Variants in LARGE1 observed in about 807,000 individuals in gnomAD.
LARGE1 encodes LARGE xylosyl- and glucuronyltransferase 1, also known as xylosyl- and glucuronyltransferase LARGE1.
LARGE1 carries 43 observed loss-of-function variants against 87.6 expected under a neutral mutation model. That is an observed-to-expected ratio of 0.49 (90% CI 0.38 to 0.63). The LOEUF is 0.63. Ranked by LOEUF, LARGE1 falls within the 30% of genes least tolerant of loss-of-function variation. The pLI is 0.00. For missense variants in LARGE1, 802 were observed against 1,000.2 expected (o/e 0.80, Z 2.67); for synonymous variants, 434 against 394.6 (o/e 1.10, Z -1.18).
At chr22:33,752,202 T>C (rs2084343895) in intron 2 of LARGE1, among the ~76,000 whole-genome samples, 2 of 152,200 alleles carry the variant, frequency 1.3e-5, no homozygotes, top group Non-Finnish European at 1.5e-5. Context: ...TGCATTTCTC[T>C]TGGGTGTATT....
Position 33,283,335 on chromosome 22 carries a change from G to A in LARGE1, c.1744C>T (p.Gln582Ter), listed in dbSNP as rs778588479. ...LYEYLRKSVI[Q>*]LDLANTKKAM... The stretch of plus-strand genomic sequence containing the variant: ...TTCTTGGTGTTGGCAAGATCGAGCT[G>A]GATGACAGACTTCCTGAAAAGAGGG... Residue 582 changes from glutamine to a stop codon, truncating the protein, a stop_gained, in exon 13 of 15, where the codon CAG becomes TAG. Transcript: ENST00000397394. LOFTEE classifies it high-confidence loss of function. 1.2e-6 allele frequency: 2 copies of A among 1,614,160 alleles called. No homozygotes were observed. Among genetic ancestry groups the A allele is most frequent in the Non-Finnish European group, 1.7e-6 (2 of 1,180,030 alleles).
intron 6 of LARGE1, among the ~76,000 whole-genome samples, chr22:33,563,600 G>C (rs538202884): frequency 6.6e-6 from 1 of 152,238 alleles, no homozygotes; most frequent in East Asian, 1.9e-4. Context: ...GCCAAGACAC[G>C]GGCACTCTGA....
chr22:33,309,880 G>A (rs191458789), intron 11 of LARGE1, among the ~76,000 whole-genome samples: 57 of 152,296 alleles, frequency 3.7e-4, no homozygotes, highest in African/African-American at 1.3e-3. Context: ...GATGGGCCTT[G>A]AAGACCACAG....
chr22:33,660,590 G>A lies in LARGE1; in HGVS notation c.107-9922C>T, dbSNP rs1280255087. ...CCAGCGTTAGTGACGGTCTCCAATG[G>A]TTGAGTCTGAGAAAGCATCCTTTCT... is the stretch of plus-strand genomic sequence containing the variant. On this transcript the variant is annotated intron_variant, in intron 2 of 14. Transcript: ENST00000397394. Among the ~76,000 whole-genome samples, 3 of 152,302 alleles carry A rather than the reference G, an allele frequency of 2.0e-5. No homozygotes were observed. The East Asian group carries it at 5.8e-4, about 29-fold the overall frequency.
the LARGE1 span, among the ~76,000 whole-genome samples, chr22:33,135,917 T>C: frequency 6.6e-6 from 1 of 152,204 alleles, no homozygotes; most frequent in Admixed American, 6.5e-5. Context: ...ATAGTTTATA[T>C]TCATTTAGAA....
chr22:33,806,337 C>G (rs1161199172), intron 1 of LARGE1, among the ~76,000 whole-genome samples: 1 of 152,164 alleles, frequency 6.6e-6, no homozygotes. Flanking sequence ...GCAAATGGAG[C>G]TAGGGACACA....
intron 11 of LARGE1, among the ~76,000 whole-genome samples, chr22:33,209,227 G>A (rs187302149): frequency 6.6e-6 from 1 of 152,284 alleles, no homozygotes; most frequent in East Asian, 1.9e-4. Context: ...TATGTATTAA[G>A]CCCTTTACAG....
At chr22:33,481,776 C>A (rs1323013361) in intron 6 of LARGE1, among the ~76,000 whole-genome samples, 1 of 152,174 alleles carries the variant, frequency 6.6e-6, no homozygotes, top group Non-Finnish European at 1.5e-5. Context: ...CAACTGCCAA[C>A]TGAAACAGAG....
chr22:33,285,947 T>G (rs1371773935), intron 12 of LARGE1, among the ~76,000 whole-genome samples: 3 of 151,798 alleles, frequency 2.0e-5, no homozygotes, highest in African/African-American at 7.3e-5. Flanking sequence ...AGAGAGGGGG[T>G]GGTTGGGATG....
intron 11 of LARGE1, among the ~76,000 whole-genome samples, chr22:33,241,652 GTA>G (rs1273576666): frequency 1.3e-5 from 2 of 151,524 alleles, no homozygotes; most frequent in African/African-American, 4.9e-5. Context: ...ATATGTGTGT[GTA>G]TATGTGTGTG....
At chr22:33,643,196 C>T (rs1259873042) in intron 3 of LARGE1, among the ~76,000 whole-genome samples, 1 of 152,064 alleles carries the variant, frequency 6.6e-6, no homozygotes, top group African/African-American at 2.4e-5. Flanking sequence ...AACAAACAGT[C>T]TCTCAGACCA....
chr22:33,473,974 C>A (rs568757563), intron 6 of LARGE1, among the ~76,000 whole-genome samples: 11 of 152,242 alleles, frequency 7.2e-5, no homozygotes, highest in African/African-American at 2.2e-4. Context: ...ATATTTTCTG[C>A]AAAGTATTCT....
chr22:33,343,261 G>A (rs1939364757), intron 9 of LARGE1, among the ~76,000 whole-genome samples: 1 of 152,004 alleles, frequency 6.6e-6, no homozygotes, highest in Non-Finnish European at 1.5e-5. Flanking sequence ...TGGGACTACA[G>A]GCACACACCA....
intron 12 of LARGE1, among the ~76,000 whole-genome samples, chr22:33,289,523 C>T (rs1932152730): frequency 6.6e-6 from 1 of 152,180 alleles, no homozygotes; most frequent in Non-Finnish European, 1.5e-5. Context: ...CATTAACAAA[C>T]AAGTCCCCTT....
the LARGE1 span, among the ~76,000 whole-genome samples, chr22:33,112,465 G>A: frequency 6.6e-6 from 1 of 152,224 alleles, no homozygotes; most frequent in Non-Finnish European, 1.5e-5. Context: ...AGATGGAAGC[G>A]ACTATTACCA....
intron 3 of LARGE1, among the ~76,000 whole-genome samples, chr22:33,643,441 G>A (rs2080506554): frequency 6.6e-6 from 1 of 152,180 alleles, no homozygotes; most frequent in Non-Finnish European, 1.5e-5. Context: ...ACAACAGAAA[G>A]CAGGAAAGAT....
At position 33,346,543 on chromosome 22, in the gene LARGE1, T is replaced by A. The variant is rs143157723; in HGVS notation, c.1132-8742A>T. On this transcript the variant is annotated intron_variant, in intron 9 of 14. Transcript: ENST00000397394. ...GTCTCAAACTCCTGACCTCAGTTGA[T>A]CTGCCCACCTCGGCCTCCTAAAGTG... Among the ~76,000 whole-genome samples the A allele has an allele frequency of 7.0e-4, 107 of 152,282 alleles. 2 individuals carry two copies. In the East Asian group the frequency reaches 0.017, roughly 24 times the overall value.
chr22:33,618,614 A>C (rs2079649275), intron 4 of LARGE1, among the ~76,000 whole-genome samples: 1 of 152,232 alleles, frequency 6.6e-6, no homozygotes, highest in South Asian at 2.1e-4. Context: ...ACTTAACTAG[A>C]AATACTGATG....
At chr22:33,598,032 T>C (rs1346200249) in intron 5 of LARGE1, among the ~76,000 whole-genome samples, 1 of 152,126 alleles carries the variant, frequency 6.6e-6, no homozygotes, top group Non-Finnish European at 1.5e-5. Flanking sequence ...GCAGGAGCCA[T>C]GCTTAATATA....
Sources: allele counts gnomAD v4.1 joint callset (sites outside exome capture counted in the v4.1 genomes callset), GRCh38; gene constraint gnomAD v4.1.1; transcripts MANE v1.5; gene names NCBI Gene and HGNC (gene_info 2026-07-23, HGNC 2026-07-21).